PLSCR4: variants seen among roughly 807,000 people sequenced by gnomAD.
PLSCR4 encodes the protein phospholipid scramblase 4.
A neutral mutation model predicts 36.3 loss-of-function variants in PLSCR4; 25 were observed. The observed-to-expected ratio is 0.69, with a 90% confidence interval of 0.50 to 0.96. The LOEUF is 0.96. PLSCR4 is among the 40% of genes least tolerant of loss of function. The probability of loss-of-function intolerance (pLI) is 0.00; values close to 1 mark genes in which losing one functional copy is unlikely to be tolerated. For missense variants in PLSCR4, 408 were observed against 414.7 expected, an observed-to-expected ratio of 0.98 and a Z score of 0.14; for synonymous variants, 122 against 132.9, an observed-to-expected ratio of 0.92 and a Z score of 0.56.
intron 1 of PLSCR4, among the ~76,000 whole-genome samples, chr3:146,241,581 C>T (rs1425502941): frequency 6.6e-6 from 1 of 151,996 alleles, no homozygotes. Flanking sequence ...CAGTTGAGGA[C>T]TTTTACACTC....
intron 4 of PLSCR4, among the ~76,000 whole-genome samples, chr3:146,206,272 A>G (rs1265382901): frequency 6.6e-6 from 1 of 152,100 alleles, no homozygotes; most frequent in Non-Finnish European, 1.5e-5. Context: ...TTCTTTCAAG[A>G]AAACATCTTG....
rs561312109 is a variant in PLSCR4 at position 146,239,957 on chromosome 3, T to A, written c.-22+11003A>T. On this transcript the variant is annotated intron_variant, in intron 1 of 8. Transcript: ENST00000354952. ...TGTTAGAAGAAAACGCAGGAGTAAATCTTCATGACATTGGGTTAGGCAATG... is the reference window on the plus strand; with the variant it reads ...TGTTAGAAGAAAACGCAGGAGTAAAACTTCATGACATTGGGTTAGGCAATG... 2.0e-5 allele frequency among the ~76,000 whole-genome samples: 3 copies of A among 152,002 alleles called. No homozygotes were observed. The South Asian group carries it at 6.2e-4, about 32-fold the overall frequency.
At chr3:146,220,998 T>G (rs112500568) in intron 2 of PLSCR4, 73 bp from the exon 3 acceptor site, 1 of 855,848 alleles carries the variant, frequency 1.2e-6, no homozygotes, top group African/African-American at 1.7e-5. Context: ...TCTTTTTCCT[T>G]TCTTATGGGA....
intron 3 of PLSCR4, among the ~76,000 whole-genome samples, chr3:146,220,438 G>T (rs1343253764): frequency 1.3e-5 from 2 of 152,130 alleles, no homozygotes; most frequent in African/African-American, 4.8e-5. Context: ...GCTAAGGATA[G>T]TCCTTTCCCC....
At chr3:146,210,798 A>C (rs1038536613) in intron 3 of PLSCR4, among the ~76,000 whole-genome samples, 93 of 151,070 alleles carry the variant, frequency 6.2e-4, no homozygotes, top group African/African-American at 2.2e-3. Flanking sequence ...GGATTTGCCT[A>C]ATCTACACTT....
chr3:146,198,022 G>GT (rs1163303559), intron 6 of PLSCR4, among the ~76,000 whole-genome samples: 1 of 152,076 alleles, frequency 6.6e-6, no homozygotes, highest in African/African-American at 2.4e-5. Context: ...TGAACTAGTG[G>GT]TAACAGCTTG....
intron 1 of PLSCR4, among the ~76,000 whole-genome samples, chr3:146,246,347 T>G (rs562771748): frequency 3.4e-4 from 51 of 152,184 alleles, no homozygotes; most frequent in African/African-American, 1.1e-3. Context: ...TATTATTTTA[T>G]TAACATCATG....
intron 2 of PLSCR4, 130 bp from the exon 3 acceptor site, chr3:146,221,055 T>C (rs937406333): frequency 3.6e-6 from 2 of 554,092 alleles, no homozygotes; most frequent in African/African-American, 3.8e-5. Context: ...CCTATATTTT[T>C]TAAAGAAAGA....
At chr3:146,241,609 A>G (rs945126088) in intron 1 of PLSCR4, among the ~76,000 whole-genome samples, 2 of 147,186 alleles carry the variant, frequency 1.4e-5, no homozygotes, top group African/African-American at 5.4e-5. Context: ...AGTAATCTAC[A>G]AGAACAAGCA....
At chr3:146,230,384 T>C (rs1452994032) in intron 1 of PLSCR4, among the ~76,000 whole-genome samples, 1 of 152,194 alleles carries the variant, frequency 6.6e-6, no homozygotes, top group Non-Finnish European at 1.5e-5. Flanking sequence ...TTCCTATGTG[T>C]GTCTGTGCAG....
intron 7 of PLSCR4, chr3:146,196,367 A>AT (rs1289129664): frequency 2.4e-5 from 9 of 371,748 alleles, no homozygotes; most frequent in Non-Finnish European, 4.5e-5. Context: ...AGGTCAAGCT[A>AT]TTTACTCTCA....
chr3:146,214,126 T>TAATGGAGG (rs1396149660), intron 3 of PLSCR4, among the ~76,000 whole-genome samples: 4 of 43,146 alleles, frequency 9.3e-5, no homozygotes, highest in Admixed American at 4.1e-4. Flanking sequence ...CCTTTTTTTT[T>TAATGGAGG]TTTTTTTTTT....
chr3:146,226,252 T>A (rs2035471280), intron 1 of PLSCR4, among the ~76,000 whole-genome samples: 1 of 152,208 alleles, frequency 6.6e-6, no homozygotes, highest in Non-Finnish European at 1.5e-5. Flanking sequence ...GGTATGTACA[T>A]GTTTAAATAT....
chr3:146,239,299 A>T (rs1328352689), intron 1 of PLSCR4, among the ~76,000 whole-genome samples: 1 of 152,214 alleles, frequency 6.6e-6, no homozygotes, highest in Non-Finnish European at 1.5e-5. Context: ...TGAAAAATGG[A>T]AAACTCAGAC....
intron 2 of PLSCR4, among the ~76,000 whole-genome samples, chr3:146,221,620 A>G (rs1389113096): frequency 1.3e-5 from 2 of 152,178 alleles, no homozygotes; most frequent in Non-Finnish European, 2.9e-5. Context: ...GTTGACTTTT[A>G]TCTCCTAGCA....
chr3:146,208,790 G>A (rs1370245290), intron 3 of PLSCR4, among the ~76,000 whole-genome samples: 1 of 152,048 alleles, frequency 6.6e-6, no homozygotes, highest in Admixed American at 6.6e-5. Flanking sequence ...CGGAGAACAG[G>A]GAACACTTCT....
intron 1 of PLSCR4, among the ~76,000 whole-genome samples, chr3:146,241,417 A>G (rs2036145724): frequency 6.6e-6 from 1 of 152,324 alleles, no homozygotes; most frequent in Middle Eastern, 3.4e-3. Context: ...AAAGAAAATT[A>G]CCAGAGATAA....
At chr3:146,230,622 A>C (rs2035671081) in intron 1 of PLSCR4, among the ~76,000 whole-genome samples, 2 of 152,146 alleles carry the variant, frequency 1.3e-5, no homozygotes, top group African/African-American at 2.4e-5. Context: ...TAACAGAGAG[A>C]GCGAGGAGGA....
chr3:146,213,354 A>AT (rs986616682), intron 3 of PLSCR4, among the ~76,000 whole-genome samples: 7 of 54,332 alleles, frequency 1.3e-4, no homozygotes, highest in African/African-American at 3.8e-4. Context: ...TTTTTTTGTG[A>AT]TGTAGTCTCA....
Sources: allele counts gnomAD v4.1 joint callset (sites outside exome capture counted in the v4.1 genomes callset), GRCh38; gene constraint gnomAD v4.1.1; transcripts MANE v1.5; gene names NCBI Gene and HGNC (gene_info 2026-07-23, HGNC 2026-07-21).